Variants in DUOXA2 observed in about 807,000 individuals in gnomAD.
DUOXA2 encodes dual oxidase maturation factor 2.
In DUOXA2, 22 loss-of-function variants were observed where a neutral mutation model predicts 27.6. The observed-to-expected ratio is 0.80, with a 90% CI of 0.57 to 1.14. The LOEUF (loss-of-function observed/expected upper bound fraction) is 1.14. Among genes scored for constraint, DUOXA2 ranks in the 50% most tolerant of loss-of-function variants. The pLI is 0.00. For synonymous variants in DUOXA2, 188 were observed against 184.4 expected (o/e 1.02, Z -0.16); for missense variants, 481 against 419.9 (o/e 1.15, Z -1.27).
At position 45,117,931 on chromosome 15, in the gene DUOXA2, T is replaced by C. The variant is rs1013162418; in HGVS notation, c.*22T>C. 1 of 1,613,144 alleles carries C rather than the reference T, an allele frequency of 6.2e-7. No individual in the cohort carries two copies. The highest frequency in any genetic ancestry group is 1.1e-5 in the South Asian group (1 of 91,072). ...GTGAGGGGGACCCAATCTGGACTCC[T>C]TCCCCGCCTTGGGACATCGCAGGCC... On this transcript the variant is annotated 3_prime_UTR_variant, in exon 6 of 6. Coordinates refer to ENST00000323030, the MANE Select transcript of DUOXA2 (RefSeq NM_207581.4).
In DUOXA2 at chr15:45,117,703, C is replaced by T; in HGVS notation, c.770-13C>T. ...CCACATGCCCTCCTTTCTTTCGATC[C>T]CCACCGCCACAGGCGTCCTGTGCCT... On this transcript the variant is annotated splice_polypyrimidine_tract_variant and intron_variant, in intron 5 of 5. Coordinates refer to ENST00000323030, the MANE Select transcript of DUOXA2 (RefSeq NM_207581.4). 2 of 1,613,568 alleles carry T rather than the reference C, an allele frequency of 1.2e-6. No homozygotes were observed. Among genetic ancestry groups the T allele is most frequent in the Non-Finnish European group, 1.7e-6 (2 of 1,179,694 alleles).
chr15:45,118,250 G>A lies in DUOXA2; in HGVS notation c.*341G>A. ...GCGTCGACTCCAGAGTAATAGGGGC[G>A]CCCTCTAGTGAGGCCGGAGGGACCC... On this transcript the variant is annotated 3_prime_UTR_variant, in exon 6 of 6. Transcript: ENST00000323030. 7.2e-7 allele frequency: 1 copy of A among 1,391,134 alleles called. No individual in the cohort carries two copies. Among genetic ancestry groups the A allele is most frequent in the Non-Finnish European group, 9.3e-7 (1 of 1,079,278 alleles). The allele number at this position is 1,391,134 out of a possible 1,614,324, so 86.2% of individuals were successfully genotyped here.
chr15:45,114,623 C>G lies in DUOXA2; in HGVS notation c.18C>G (p.Gly6=), dbSNP rs543072421. The change falls in exon 1 of 6, where the codon GGC becomes GGG. Residue 6 remains glycine (G), a synonymous_variant. Transcript: ENST00000323030. The part of the protein sequence containing the change: MTLWN[G]VLPFYPQPRH... Reference sequence around the variant, plus strand: ...CGTGCAGCATGACCCTGTGGAACGGCGTACTGCCTTTTTACCCCCAGCCCC... The same window carrying G: ...CGTGCAGCATGACCCTGTGGAACGGGGTACTGCCTTTTTACCCCCAGCCCC... The G allele has an allele frequency of 3.7e-6, 6 of 1,614,170 alleles. No individual in the cohort carries two copies. The highest frequency in any genetic ancestry group is 1.7e-4 in the Middle Eastern group (1 of 6,060).
In DUOXA2 at chr15:45,116,734, G is replaced by GGA; in HGVS notation, c.554+5_554+6insGA. 6.2e-7 allele frequency: 1 copy of GGA among 1,613,000 alleles called. No homozygotes were observed. On this transcript the variant is annotated splice_donor_region_variant and intron_variant, in intron 4 of 5. Transcript: ENST00000323030. The stretch of plus-strand genomic sequence containing the variant: ...CTACGCCTCGGCCACGCTATGGTAA[G>GGA]TGCTGGAGGGAAGGCTGTGTGCACG...
chr15:45,117,421 A>T, intron 5 of DUOXA2, 116 bp downstream of exon 5: 1 of 1,520,692 alleles, frequency 6.6e-7, no homozygotes, highest in Admixed American at 2.0e-5. Context: ...TGCCCCTCTC[A>T]ATAGTTCGCA....
In DUOXA2 at chr15:45,114,336, C is replaced by T. The variant is rs528575583; in HGVS notation, c.-270C>T. 20 of 519,616 alleles carry T rather than the reference C, an allele frequency of 3.8e-5. No individual in the cohort carries two copies. In the East Asian group the frequency reaches 6.0e-4, roughly 16 times the overall value. The allele number at this position is 519,616 out of a possible 1,614,324, so 32.2% of individuals were successfully genotyped here. A position where few individuals can be genotyped will look rare whatever the true frequency, so the allele number is the denominator to read the frequency against. The stretch of plus-strand genomic sequence containing the variant: ...GCGACTTCCAAACTCAGCGCCAACC[C>T]GCAGAACCAGGAAAGTAACGGCTAC... On this transcript the variant is annotated 5_prime_UTR_variant, in exon 1 of 6. Coordinates refer to ENST00000323030, the MANE Select transcript of DUOXA2 (RefSeq NM_207581.4).
Position 45,116,595 on chromosome 15 carries a change from G to T in DUOXA2, c.420G>T (p.Ala140=). 1 of 1,614,028 alleles carries T rather than the reference G, an allele frequency of 6.2e-7. No individual in the cohort carries two copies. The highest frequency in any genetic ancestry group is 8.5e-7 in the Non-Finnish European group (1 of 1,180,048). ...FTWRLKENYA[A]EYANALEKGL... The stretch of plus-strand genomic sequence containing the variant: ...GGCGTCTGAAAGAGAATTACGCCGC[G>T]GAGTACGCGAACGCACTGGAGAAGG... Residue 140 remains alanine, a synonymous_variant, in exon 4 of 6, where the codon GCG becomes GCT. Coordinates refer to ENST00000323030, the MANE Select transcript of DUOXA2 (RefSeq NM_207581.4).
chr15:45,116,311 G>T, intron 3 of DUOXA2, 53 bp downstream of exon 3: 1 of 1,609,516 alleles, frequency 6.2e-7, no homozygotes, highest in Non-Finnish European at 8.5e-7. Flanking sequence ...CCCCGGTTAG[G>T]TGAGTGTGTC....
intron 2 of DUOXA2, 77 bp downstream of exon 2, chr15:45,115,933 G>C (rs574301404): frequency 1.2e-4 from 191 of 1,608,150 alleles, no homozygotes; most frequent in Non-Finnish European, 1.6e-4. Flanking sequence ...GGACAATAGG[G>C]AACTGGGGTT....
chr15:45,115,931 G>C, intron 2 of DUOXA2, 75 bp downstream of exon 2: 1 of 1,608,400 alleles, frequency 6.2e-7, no homozygotes, highest in East Asian at 2.2e-5. Context: ...TGGGACAATA[G>C]GGAACTGGGG....
intron 4 of DUOXA2, 127 bp from the exon 5 acceptor site, chr15:45,116,964 C>A: frequency 1.6e-6 from 2 of 1,235,082 alleles, no homozygotes; most frequent in South Asian, 1.4e-5. Flanking sequence ...CGGGGAATTC[C>A]CCTGCACCGC....
rs773644533 is a variant in DUOXA2, at chr15:45,114,564, C to T, written c.-42C>T. ...CGTCCAGGCAGCCCCAGCTTGCTGG[C>T]TTGCCTGCCCGCCTGCGTGCAGCAC... On this transcript the variant is annotated 5_prime_UTR_variant, in exon 1 of 6. Transcript: ENST00000323030. 10 of 1,610,940 alleles carry T rather than the reference C, an allele frequency of 6.2e-6. No homozygotes were observed. The East Asian group carries it at 2.2e-4, about 36-fold the overall frequency.
In DUOXA2 at chr15:45,114,491, T is replaced by A; in HGVS notation, c.-115T>A. Reference sequence around the variant, plus strand: ...CAGGACTCAGACTTCACCAGCCCACTCGGTCCCAGCCTTGTACGCAAAGAG... The same window carrying A: ...CAGGACTCAGACTTCACCAGCCCACACGGTCCCAGCCTTGTACGCAAAGAG... On this transcript the variant is annotated 5_prime_UTR_variant, in exon 1 of 6. Transcript: ENST00000323030. 6.9e-7 allele frequency: 1 copy of A among 1,458,432 alleles called. No homozygotes were observed. The highest frequency in any genetic ancestry group is 9.3e-7 in the Non-Finnish European group (1 of 1,072,126). The allele number at this position is 1,458,432 out of a possible 1,614,324, so 90.3% of individuals were successfully genotyped here.
chr15:45,117,626 A>G (rs763424825), intron 5 of DUOXA2, 90 bp from the exon 6 acceptor site: 1 of 1,613,778 alleles, frequency 6.2e-7, no homozygotes, highest in Non-Finnish European at 8.5e-7. Context: ...CGAGGCAGGA[A>G]GGTCGTTTGA....
chr15:45,114,380 T>C lies in DUOXA2; in HGVS notation c.-226T>C. 1 of 605,762 alleles carries C rather than the reference T, an allele frequency of 1.7e-6. No homozygotes were observed. The highest frequency in any genetic ancestry group is 2.0e-5 in the South Asian group (1 of 51,238). 37.5% of individuals were successfully genotyped at this position (605,762 alleles called of 1,614,324 possible). On this transcript the variant is annotated 5_prime_UTR_variant, in exon 1 of 6. Coordinates refer to ENST00000323030, the MANE Select transcript of DUOXA2 (RefSeq NM_207581.4). ...CGGCTACAGACAGTGAGAAATAGTT[T>C]CGCTCGCCGGCTAGAAAAACTCTGT... is the stretch of plus-strand genomic sequence containing the variant.
chr15:45,114,739 T>C lies in DUOXA2; in HGVS notation c.134T>C (p.Ile45Thr), dbSNP rs1330514497. Reference sequence around the variant, plus strand: ...AGCTTCCTGCTCATCTTGCCGGGGATCCGTGGCCACTCGGTAAGGGTGTCC... The same window carrying C: ...AGCTTCCTGCTCATCTTGCCGGGGACCCGTGGCCACTCGGTAAGGGTGTCC... ...AASFLLILPG[I>T]RGHSRWFWLV... Residue 45 changes from isoleucine to threonine, a missense_variant, in exon 1 of 6, where the codon ATC becomes ACC. Coordinates refer to ENST00000323030, the MANE Select transcript of DUOXA2 (RefSeq NM_207581.4). 3 of 1,614,098 alleles carry C rather than the reference T, an allele frequency of 1.9e-6. No individual in the cohort carries two copies. The highest frequency in any genetic ancestry group is 1.7e-5 in the Admixed American group (1 of 60,016).
At chr15:45,117,329 C>A (rs968501394) in intron 5 of DUOXA2, 24 bp downstream of exon 5, 18 of 1,565,796 alleles carry the variant, frequency 1.1e-5, no homozygotes, top group Middle Eastern at 3.4e-4. Flanking sequence ...GAATGGGCCC[C>A]GGGGGCTAAG....
intron 1 of DUOXA2, among the ~76,000 whole-genome samples, chr15:45,115,074 A>G (rs1894569863): frequency 6.6e-6 from 1 of 152,138 alleles, no homozygotes; most frequent in African/African-American, 2.4e-5. Flanking sequence ...CCCAGGACTA[A>G]AGCTGCACTC....
Position 45,118,025 on chromosome 15 carries a change from G to A in DUOXA2, c.*116G>A, listed in dbSNP as rs1433783767. The A allele has an allele frequency of 6.2e-7, 1 of 1,600,494 alleles. No individual in the cohort carries two copies. Among genetic ancestry groups the A allele is most frequent in the Non-Finnish European group, 8.5e-7 (1 of 1,170,622 alleles). ...AGGGCACTGAGCGCTGCTGGCGCGAGGCCTCGGACATCCGCAGGCACCAGG... is the reference window on the plus strand; with the variant it reads ...AGGGCACTGAGCGCTGCTGGCGCGAAGCCTCGGACATCCGCAGGCACCAGG... On this transcript the variant is annotated 3_prime_UTR_variant, in exon 6 of 6. Transcript: ENST00000323030.
Sources: allele counts gnomAD v4.1 joint callset (sites outside exome capture counted in the v4.1 genomes callset), GRCh38; gene constraint gnomAD v4.1.1; transcripts MANE v1.5; gene names NCBI Gene and HGNC (gene_info 2026-07-23, HGNC 2026-07-21).